STAT1: variants seen among roughly 807,000 people sequenced by gnomAD.
STAT1 encodes the protein signal transducer and activator of transcription 1-alpha/beta.
In STAT1, 24 loss-of-function variants were observed where a neutral mutation model predicts 111.7. The observed-to-expected ratio is 0.21, with a 90% CI of 0.16 to 0.30. The LOEUF is 0.30. Among genes scored for constraint, STAT1 ranks in the 10% least tolerant of loss-of-function variants. The pLI, the probability that STAT1 is intolerant of heterozygous loss-of-function variation, is 1.00. For missense variants in STAT1, 351 were observed against 911.9 expected (o/e 0.38, Z 7.92); for synonymous variants, 332 against 326.5 (o/e 1.02, Z -0.18).
Position 190,976,931 on chromosome 2 carries a change from A to G in STAT1, c.1968T>C (p.Ala656=), listed in dbSNP as rs1574638426. 1 of 1,614,066 alleles carries G rather than the reference A, an allele frequency of 6.2e-7. No individual in the cohort carries two copies. The highest frequency in any genetic ancestry group is 1.6e-4 in the Middle Eastern group (1 of 6,062). ...DIIRNYKVMA[A]ENIPENPLKY... ...TCAGGGGATTCTCAGGAATATTCTC[A>G]GCAGCCATGACTTTGTAATTGCGAA... The change falls in exon 22 of 25, where the codon GCT becomes GCC. Residue 656 remains alanine (A), a synonymous_variant. Transcript: ENST00000361099. This position sits in a 1 kb window ranked among gnomAD's most constrained non-coding sequence, Gnocchi z 6.0.
Position 190,978,781 on chromosome 2 carries a change from G to C in STAT1, c.1873+75C>G. ...CATGTCCCAAACGCACTATCTGTAT[G>C]AGCTGACTGGCGGCGATGAAGAGGG... is the stretch of plus-strand genomic sequence containing the variant. On this transcript the variant is annotated intron_variant, in intron 21 of 24. Coordinates refer to ENST00000361099, the MANE Select transcript of STAT1 (RefSeq NM_007315.4). The surrounding 1 kb of genome is among the most constrained non-coding windows in gnomAD (Gnocchi z 6.1). The C allele has an allele frequency of 6.3e-7, 1 of 1,576,198 alleles. No homozygotes were observed. The highest frequency in any genetic ancestry group is 8.6e-7 in the Non-Finnish European group (1 of 1,158,260).
chr2:190,986,496 G>A lies in STAT1; in HGVS notation c.1221+358C>T, dbSNP rs547515359. 3.3e-5 allele frequency among the ~76,000 whole-genome samples: 5 copies of A among 152,310 alleles called. No individual in the cohort carries two copies. Among genetic ancestry groups the A allele is most frequent in the African/African-American group, 1.2e-4 (5 of 41,564 alleles). ...CTGAGGAGTGAACCCTGGTGTACAG[G>A]ACCACACTTGGATCACAGTCAGGAC... On this transcript the variant is annotated intron_variant, in intron 14 of 24. Transcript: ENST00000361099. This position sits in a 1 kb window ranked among gnomAD's most constrained non-coding sequence, Gnocchi z 5.0.
chr2:190,976,380 G>A lies in STAT1; in HGVS notation c.2059+460C>T, dbSNP rs900681531. On this transcript the variant is annotated intron_variant, in intron 22 of 24. Transcript: ENST00000361099. This position sits in a 1 kb window ranked among gnomAD's most constrained non-coding sequence, Gnocchi z 6.0. ...TCTCAAATGCAATTCATTGACAACT[G>A]AGAAGCAAGAGACCTGTGTTCTCAG... Among the ~76,000 whole-genome samples the A allele has an allele frequency of 1.3e-5, 2 of 152,182 alleles. No homozygotes were observed. The highest frequency in any genetic ancestry group is 2.9e-5 in the Non-Finnish European group (2 of 68,048).
In STAT1 at chr2:190,996,954, G is replaced by T. The variant is rs1176862527; in HGVS notation, c.785+902C>A. ...TGCCCTTTCTAAATCAAAGATCAGA[G>T]AAATACATCTCCTGCTTAAGAAAAA... On this transcript the variant is annotated intron_variant, in intron 9 of 24. Transcript: ENST00000361099. This position sits in a 1 kb window ranked among gnomAD's most constrained non-coding sequence, Gnocchi z 4.5. 6.6e-6 allele frequency among the ~76,000 whole-genome samples: 1 copy of T among 152,190 alleles called. No individual in the cohort carries two copies. The highest frequency in any genetic ancestry group is 1.5e-5 in the Non-Finnish European group (1 of 68,026).
Position 190,975,813 on chromosome 2 carries a change from C to A in STAT1, c.2134G>T (p.Val712Phe), listed in dbSNP as rs546323205. ...IKTELISVSEVHPSRLQTTDN... is the reference protein window; with the variant it reads ...IKTELISVSEFHPSRLQTTDN... ...TGTCACTCTTCTGTGTTCACTTACA[C>A]TTCAGACACAGAAATCAACTCAGTC... The change falls in exon 23 of 25, where the codon GTT becomes TTT. Residue 712 changes from valine to phenylalanine, a missense_variant and splice_region_variant. Coordinates refer to ENST00000361099, the MANE Select transcript of STAT1 (RefSeq NM_007315.4). The surrounding 1 kb of genome is among the most constrained non-coding windows in gnomAD (Gnocchi z 5.9). 1 of 1,614,178 alleles carries A rather than the reference C, an allele frequency of 6.2e-7. No individual in the cohort carries two copies. Among genetic ancestry groups the A allele is most frequent in the East Asian group, 2.2e-5 (1 of 44,882 alleles).
Position 190,989,446 on chromosome 2 carries a change from T to C in STAT1, c.1097+169A>G, listed in dbSNP as rs1035220412. ...AGAAGTCTCTGCTCATGCGCAGCATTGTCAGGACTCTGGGTTCAGCCCTGG... is the reference window on the plus strand; with the variant it reads ...AGAAGTCTCTGCTCATGCGCAGCATCGTCAGGACTCTGGGTTCAGCCCTGG... On this transcript the variant is annotated intron_variant, in intron 12 of 24. Transcript: ENST00000361099. The surrounding 1 kb of genome is among the most constrained non-coding windows in gnomAD (Gnocchi z 5.0). Among the ~76,000 whole-genome samples the C allele has an allele frequency of 1.3e-5, 2 of 152,206 alleles. No individual in the cohort carries two copies. Among genetic ancestry groups the C allele is most frequent in the African/African-American group, 4.8e-5 (2 of 41,454 alleles).
Position 190,999,914 on chromosome 2 carries a change from C to T in STAT1, c.463-210G>A, listed in dbSNP as rs546143583. ...GTCATAACATTTTTAAAAAAGCAAACGTACAATAATTCTCAAACTGATTTG... is the reference window on the plus strand; with the variant it reads ...GTCATAACATTTTTAAAAAAGCAAATGTACAATAATTCTCAAACTGATTTG... On this transcript the variant is annotated intron_variant, in intron 6 of 24. Transcript: ENST00000361099. The surrounding 1 kb of genome is among the most constrained non-coding windows in gnomAD (Gnocchi z 4.1). 2.3e-4 allele frequency among the ~76,000 whole-genome samples: 35 copies of T among 152,276 alleles called. 2 individuals carry two copies. In the South Asian group the frequency reaches 6.0e-3, roughly 26 times the overall value.
chr2:190,977,305 A>C lies in STAT1; in HGVS notation c.1874-280T>G, dbSNP rs1213948431. Among the ~76,000 whole-genome samples the C allele has an allele frequency of 6.6e-6, 1 of 152,222 alleles. No individual in the cohort carries two copies. Among genetic ancestry groups the C allele is most frequent in the Non-Finnish European group, 1.5e-5 (1 of 68,034 alleles). On this transcript the variant is annotated intron_variant, in intron 21 of 24. Transcript: ENST00000361099. The surrounding 1 kb of genome is among the most constrained non-coding windows in gnomAD (Gnocchi z 4.7). Reference sequence around the variant, plus strand: ...AAAAAAGATTTATTAAAAACCTTTAAAAGCCTGCATCTTCAATGATGTGCT... The same window carrying C: ...AAAAAAGATTTATTAAAAACCTTTACAAGCCTGCATCTTCAATGATGTGCT...
Position 190,978,488 on chromosome 2 carries a change from C to G in STAT1, c.1873+368G>C, listed in dbSNP as rs993234513. 7 of 342,320 alleles carry G rather than the reference C, an allele frequency of 2.0e-5. No individual in the cohort carries two copies. The highest frequency in any genetic ancestry group is 4.0e-5 in the Non-Finnish European group (7 of 173,336). 21.2% of individuals were successfully genotyped at this position (342,320 alleles called of 1,614,324 possible). ...TCCCGAAGCCTGTCTCATCTGCACA[C>G]TCTACTCTGGGATGACCCTAAGAGA... On this transcript the variant is annotated intron_variant, in intron 21 of 24. Coordinates refer to ENST00000361099, the MANE Select transcript of STAT1 (RefSeq NM_007315.4). The surrounding 1 kb of genome is among the most constrained non-coding windows in gnomAD (Gnocchi z 6.1).
chr2:191,013,185 C>G (rs1695274877), intron 2 of STAT1, among the ~76,000 whole-genome samples: 1 of 152,218 alleles, frequency 6.6e-6, no homozygotes, highest in African/African-American at 2.4e-5. Context: ...ATTATGATCT[C>G]ACAAGTGTGA....
chr2:191,004,125 T>G lies in STAT1; in HGVS notation c.373-2962A>C, dbSNP rs1694498023. 6.6e-6 allele frequency among the ~76,000 whole-genome samples: 1 copy of G among 152,128 alleles called. No individual in the cohort carries two copies. Among genetic ancestry groups the G allele is most frequent in the South Asian group, 2.1e-4 (1 of 4,830 alleles). ...AAACCCTTGGTGCTCTCTTACCCCT[T>G]CCACTCATCCCTCCCTGCTTCCCTC... On this transcript the variant is annotated intron_variant, in intron 5 of 24. Transcript: ENST00000361099. The surrounding 1 kb of genome is among the most constrained non-coding windows in gnomAD (Gnocchi z 5.0).
rs1437906126 is a variant in STAT1 at position 190,989,473 on chromosome 2, G to A, written c.1097+142C>T. 8 of 585,916 alleles carry A rather than the reference G, an allele frequency of 1.4e-5. No individual in the cohort carries two copies. The highest frequency in any genetic ancestry group is 1.1e-4 in the African/African-American group (6 of 52,984). The allele number at this position is 585,916 out of a possible 1,614,324, so 36.3% of individuals were successfully genotyped here. ...TCAGGACTCTGGGTTCAGCCCTGGG[G>A]CCCTAGGGAGGCAAACTTCCACCCA... is the stretch of plus-strand genomic sequence containing the variant. On this transcript the variant is annotated intron_variant, in intron 12 of 24. Transcript: ENST00000361099. The surrounding 1 kb of genome is among the most constrained non-coding windows in gnomAD (Gnocchi z 5.0).
chr2:190,987,870 GA>G lies in STAT1; in HGVS notation c.1098-803del, dbSNP rs1042604563. Among the ~76,000 whole-genome samples, 4 of 150,152 alleles carry G rather than the reference GA, an allele frequency of 2.7e-5. No homozygotes were observed. The highest frequency in any genetic ancestry group is 4.4e-5 in the Non-Finnish European group (3 of 67,520). On this transcript the variant is annotated intron_variant, in intron 12 of 24. Coordinates refer to ENST00000361099, the MANE Select transcript of STAT1 (RefSeq NM_007315.4). This position sits in a 1 kb window ranked among gnomAD's most constrained non-coding sequence, Gnocchi z 4.0. ...TGGAAGGGACCTATTTTCCCGTTTG[GA>G]AAAAAAAAGAATTTAAAATAAAAGG...
rs1165918318 is a variant in STAT1 at position 190,994,927 on chromosome 2, A to AAAAAT, written c.944+133_944+134insATTTT. 140 of 135,096 alleles carry AAAAAT rather than the reference A, an allele frequency of 1.0e-3. 1 individual carries two copies. The highest frequency in any genetic ancestry group is 1.6e-3 in the Non-Finnish European group (121 of 76,354). The allele number at this position is 135,096 out of a possible 1,614,324, so 8.4% of individuals were successfully genotyped here. Reference sequence around the variant, plus strand: ...GAGACTCTATCTCAAAAAAAAAAAAAATATATATATATATATATATATATA... The same window carrying AAAAAT: ...GAGACTCTATCTCAAAAAAAAAAAAAAAAATATATATATATATATATATATATATA... On this transcript the variant is annotated intron_variant, in intron 10 of 24. Coordinates refer to ENST00000361099, the MANE Select transcript of STAT1 (RefSeq NM_007315.4).
chr2:190,969,896 C>G lies in STAT1; in HGVS notation c.*807G>C, dbSNP rs958955361. ...TTTTGAATGAGTGGTTGTGAATAGC[C>G]TAACTCCCTTGGGAGAACTGTAAAA... On this transcript the variant is annotated 3_prime_UTR_variant, in exon 25 of 25. Coordinates refer to ENST00000361099, the MANE Select transcript of STAT1 (RefSeq NM_007315.4). 6.6e-6 allele frequency: 1 copy of G among 152,198 alleles called. No homozygotes were observed. Among genetic ancestry groups the G allele is most frequent in the Non-Finnish European group, 1.5e-5 (1 of 68,032 alleles). 9.4% of individuals were successfully genotyped at this position (152,198 alleles called of 1,614,324 possible). A position where few individuals can be genotyped will look rare whatever the true frequency, so the allele number is the denominator to read the frequency against.
chr2:191,001,195 G>A (rs368727632), intron 5 of STAT1, 32 bp from the exon 6 acceptor site: 34 of 1,558,332 alleles, frequency 2.2e-5, no homozygotes, highest in Admixed American at 3.3e-5. Context: ...TATAGCCATC[G>A]TTTTCTTCAG....
Position 190,974,722 on chromosome 2 carries a change from G to A in STAT1, c.2238+108C>T, listed in dbSNP as rs1428588264. 9.9e-6 allele frequency: 10 copies of A among 1,005,088 alleles called. 1 individual carries two copies. The highest frequency in any genetic ancestry group is 9.3e-5 in the South Asian group (7 of 75,668). 62.3% of individuals were successfully genotyped at this position (1,005,088 alleles called of 1,614,324 possible). On this transcript the variant is annotated intron_variant, in intron 24 of 24. Coordinates refer to ENST00000361099, the MANE Select transcript of STAT1 (RefSeq NM_007315.4). This position sits in a 1 kb window ranked among gnomAD's most constrained non-coding sequence, Gnocchi z 4.8. ...TGAGCACTGCACTCTCCTTGGCTCC[G>A]CCAGGGCTCCCTCCCGCAGACAGGC...
intron 24 of STAT1, among the ~76,000 whole-genome samples, chr2:190,972,581 T>A (rs550378075): frequency 4.6e-5 from 7 of 152,296 alleles, no homozygotes; most frequent in African/African-American, 1.4e-4. Context: ...TTTCAGAGTA[T>A]ACACTCTGAT....
rs2125027272 is a variant in STAT1, at chr2:190,984,975, TC to T, written c.1264-583del. Among the ~76,000 whole-genome samples the T allele has an allele frequency of 6.6e-6, 1 of 152,332 alleles. No individual in the cohort carries two copies. Among genetic ancestry groups the T allele is most frequent in the South Asian group, 2.1e-4 (1 of 4,832 alleles). ...AGGCGCACACCAGGGCTAGAAGGCA[TC>T]TTTGCACTGCCTGGGCCTGTGTTTG... On this transcript the variant is annotated intron_variant, in intron 15 of 24. Transcript: ENST00000361099. This position sits in a 1 kb window ranked among gnomAD's most constrained non-coding sequence, Gnocchi z 5.2.
Sources: allele counts gnomAD v4.1 joint callset (sites outside exome capture counted in the v4.1 genomes callset), GRCh38; gene constraint gnomAD v4.1.1; non-coding constraint Gnocchi (gnomAD v3.1); transcripts MANE v1.5; gene names NCBI Gene and HGNC (gene_info 2026-07-23, HGNC 2026-07-21).